Variants in CTNNA3 observed in about 807,000 individuals in gnomAD.
CTNNA3 encodes catenin alpha 3.
Under a neutral mutation model 95.7 loss-of-function variants are expected in CTNNA3, and 76 were observed. The ratio of observed to expected loss-of-function variants is 0.79; its 90% CI spans 0.66 to 0.96. CTNNA3 has a LOEUF of 0.96. CTNNA3 is among the 40% of genes least tolerant of loss of function. The pLI, the probability that CTNNA3 is intolerant of heterozygous loss-of-function variation, is 0.00. For synonymous variants in CTNNA3, 431 were observed against 374.4 expected (o/e 1.15, Z -1.74); for missense variants, 1,191 against 1,089.8 (o/e 1.09, Z -1.31).
At chr10:65,952,829 C>T (rs2077647029) in intron 17 of CTNNA3, among the ~76,000 whole-genome samples, 1 of 152,136 alleles carries the variant, frequency 6.6e-6, no homozygotes, top group Non-Finnish European at 1.5e-5. Context: ...TCTTTCTGAT[C>T]TTTCCCCTTT....
At chr10:67,447,699 C>T (rs1846808176) in intron 5 of CTNNA3, among the ~76,000 whole-genome samples, 1 of 152,152 alleles carries the variant, frequency 6.6e-6, no homozygotes, top group African/African-American at 2.4e-5. Flanking sequence ...CACATTTCTA[C>T]TTTACCTGTC....
Position 66,927,499 on chromosome 10 carries a change from A to C in CTNNA3, c.1048-151975T>G. 6.2e-7 allele frequency: 1 copy of C among 1,614,108 alleles called. No homozygotes were observed. The highest frequency in any genetic ancestry group is 8.5e-7 in the Non-Finnish European group (1 of 1,180,028). On this transcript the variant is annotated intron_variant, in intron 7 of 17. Coordinates refer to ENST00000433211, the MANE Select transcript of CTNNA3 (RefSeq NM_013266.4). The surrounding 1 kb of genome is among the most constrained non-coding windows in gnomAD (Gnocchi z 4.7). ...GGACCTGGGATATAACCGGATCCGA[A>C]GTTTAGCCAGGAATGTCTTTGCTGG...
chr10:67,675,193 T>C (rs780135172), intron 1 of CTNNA3, among the ~76,000 whole-genome samples: 5 of 152,104 alleles, frequency 3.3e-5, no homozygotes, highest in Non-Finnish European at 5.9e-5. Flanking sequence ...TCCTTATTAA[T>C]TTTTTGGAGT....
intron 10 of CTNNA3, among the ~76,000 whole-genome samples, chr10:66,524,691 G>A (rs1244477332): frequency 6.6e-6 from 1 of 152,088 alleles, no homozygotes; most frequent in East Asian, 1.9e-4. Context: ...AGGCTACAAG[G>A]AAACTAGAGC....
chr10:67,715,592 A>G (rs150123309), intron 1 of CTNNA3, among the ~76,000 whole-genome samples: 13 of 152,226 alleles, frequency 8.5e-5, no homozygotes, highest in African/African-American at 2.9e-4. Flanking sequence ...CTGTTACTCT[A>G]TGTTACGGTG....
chr10:66,487,215 T>TTTG (rs1839766269), intron 11 of CTNNA3, among the ~76,000 whole-genome samples: 1 of 103,552 alleles, frequency 9.7e-6, no homozygotes, highest in Admixed American at 1.2e-4. Context: ...TTTTTTTTTT[T>TTTG]TTTTGAGACG....
intron 10 of CTNNA3, among the ~76,000 whole-genome samples, chr10:66,534,469 CATATATAT>C (rs58455418): frequency 0.077 from 11,306 of 146,864 alleles, 566 homozygotes; most frequent in East Asian, 0.13. Context: ...TTATAAAAAT[CATATATAT>C]ATATATATAT....
chr10:67,295,075 G>C (rs1296984758), intron 5 of CTNNA3, among the ~76,000 whole-genome samples: 1 of 152,198 alleles, frequency 6.6e-6, no homozygotes, highest in East Asian at 1.9e-4. Context: ...CTGCCCCCAT[G>C]AAGTGGACTT....
intron 1 of CTNNA3, among the ~76,000 whole-genome samples, chr10:67,754,088 G>A (rs1841421129): frequency 6.6e-6 from 1 of 152,128 alleles, no homozygotes; most frequent in African/African-American, 2.4e-5. Flanking sequence ...TGATGGACTG[G>A]ATAAAGAAAA....
At chr10:67,197,832 G>A (rs1260446990) in intron 6 of CTNNA3, among the ~76,000 whole-genome samples, 1 of 152,052 alleles carries the variant, frequency 6.6e-6, no homozygotes, top group South Asian at 2.1e-4. Flanking sequence ...AATTGCTGTA[G>A]TCACTGTGTT....
chr10:67,590,503 T>C (rs1800212478), intron 3 of CTNNA3, among the ~76,000 whole-genome samples: 3 of 152,116 alleles, frequency 2.0e-5, no homozygotes, highest in Admixed American at 2.0e-4. Flanking sequence ...TTGTACCAAT[T>C]TACATTCCCA....
chr10:66,656,068 A>G (rs1846065245), intron 9 of CTNNA3, among the ~76,000 whole-genome samples: 1 of 152,078 alleles, frequency 6.6e-6, no homozygotes, highest in African/African-American at 2.4e-5. Flanking sequence ...AAATAGTGTT[A>G]TTATTTTCAG....
At chr10:66,689,908 G>C (rs573095331) in intron 9 of CTNNA3, among the ~76,000 whole-genome samples, 1 of 152,104 alleles carries the variant, frequency 6.6e-6, no homozygotes, top group Admixed American at 6.6e-5. Flanking sequence ...AAACAAGATA[G>C]AAAAGACACA....
intron 1 of CTNNA3, among the ~76,000 whole-genome samples, chr10:67,739,088 A>G (rs1330200407): frequency 6.6e-6 from 1 of 152,194 alleles, no homozygotes; most frequent in African/African-American, 2.4e-5. Flanking sequence ...GGAAATACAC[A>G]GAATGCCACA....
chr10:66,579,337 G>C (rs903291521), intron 10 of CTNNA3, among the ~76,000 whole-genome samples: 4 of 151,778 alleles, frequency 2.6e-5, no homozygotes, highest in African/African-American at 9.7e-5. Flanking sequence ...TATTACAGAA[G>C]AATCAGTAGT....
intron 5 of CTNNA3, among the ~76,000 whole-genome samples, chr10:67,268,013 A>T (rs768619028): frequency 6.6e-6 from 1 of 152,180 alleles, no homozygotes; most frequent in South Asian, 2.1e-4. Flanking sequence ...GATAAAATTT[A>T]AAAAATTAAA....
chr10:66,328,125 G>T (rs1286104164), intron 12 of CTNNA3, among the ~76,000 whole-genome samples: 1 of 151,912 alleles, frequency 6.6e-6, no homozygotes, highest in Admixed American at 6.6e-5. Flanking sequence ...AGGTGTCTAG[G>T]GGGTAAGAAT....
intron 10 of CTNNA3, among the ~76,000 whole-genome samples, chr10:66,576,893 T>A (rs1033409531): frequency 6.6e-6 from 1 of 151,654 alleles, no homozygotes; most frequent in African/African-American, 2.4e-5. Flanking sequence ...TTCAAGTTCT[T>A]TGAGAAATCT....
intron 2 of CTNNA3, among the ~76,000 whole-genome samples, chr10:67,616,529 C>G (rs2133399978): frequency 6.6e-6 from 1 of 152,256 alleles, no homozygotes; most frequent in East Asian, 1.9e-4. Context: ...TTGGTATATT[C>G]TAAAGTGTCA....
Sources: gnomAD v4.1 joint callset for allele counts (sites outside exome capture counted in the v4.1 genomes callset) on GRCh38, gnomAD v4.1.1 for gene constraint, Gnocchi (gnomAD v3.1) non-coding constraint, MANE v1.5 for transcripts, NCBI Gene and HGNC (gene_info 2026-07-23, HGNC 2026-07-21) for gene names.